The following MICALL1 variants were observed in gnomAD, a reference collection of about 807,000 sequenced individuals.
MICALL1 encodes MICAL-like protein 1.
A neutral mutation model predicts 83.7 loss-of-function variants in MICALL1; 61 were observed. The observed-to-expected ratio is 0.73, with a 90% CI of 0.59 to 0.90. MICALL1 has a LOEUF of 0.90. Among genes scored for constraint, MICALL1 ranks in the 40% least tolerant of loss-of-function variants. The probability of loss-of-function intolerance (pLI) is 0.00; values close to 1 mark genes in which losing one functional copy is unlikely to be tolerated. For missense variants in MICALL1, 1,066 were observed against 1,152.0 expected (o/e 0.93, Z 1.08); for synonymous variants, 481 against 473.6 (o/e 1.02, Z -0.20).
At position 37,906,706 on chromosome 22, in the gene MICALL1, C is replaced by G; in HGVS notation, c.146+138C>G. 1.3e-6 allele frequency: 1 copy of G among 798,756 alleles called. No homozygotes were observed. The highest frequency in any genetic ancestry group is 1.6e-6 in the Non-Finnish European group (1 of 629,666). The allele number at this position is 798,756 out of a possible 1,614,324, so 49.5% of individuals were successfully genotyped here. A position where few individuals can be genotyped will look rare whatever the true frequency, so the allele number is the denominator to read the frequency against. On this transcript the variant is annotated intron_variant, in intron 1 of 15. Transcript: ENST00000215957. This position sits in a 1 kb window ranked among gnomAD's most constrained non-coding sequence, Gnocchi z 4.4. ...GGAGACGCCGACCCCCCCGACGGCC[C>G]CGGACGCCGGGCGGGTCCCTGAGAC... is the stretch of plus-strand genomic sequence containing the variant.
intron 1 of MICALL1, among the ~76,000 whole-genome samples, chr22:37,909,577 C>T (rs181148548): frequency 5.9e-5 from 9 of 152,184 alleles, no homozygotes; most frequent in African/African-American, 2.2e-4. Flanking sequence ...TCAGGATGGT[C>T]TCAATCTCCT....
At chr22:37,926,068 C>T in intron 8 of MICALL1, 25 bp downstream of exon 8, 1 of 1,560,060 alleles carries the variant, frequency 6.4e-7, no homozygotes. Context: ...TGGAGCTCTC[C>T]TGACAGTCGG....
At position 37,924,754 on chromosome 22, in the gene MICALL1, G is replaced by T; in HGVS notation, c.1082+37G>T. On this transcript the variant is annotated intron_variant, in intron 7 of 15. Transcript: ENST00000215957. This position sits in a 1 kb window ranked among gnomAD's most constrained non-coding sequence, Gnocchi z 5.2. ...CCTGAGGGGCTTTCCTGCTTTGGAG[G>T]TCCTGGTGGTGGGAATCAGGGTACT... 6.2e-7 allele frequency: 1 copy of T among 1,603,498 alleles called. No homozygotes were observed. Among genetic ancestry groups the T allele is most frequent in the Non-Finnish European group, 8.5e-7 (1 of 1,173,014 alleles).
At chr22:37,920,976 C>T (rs1159561838) in intron 5 of MICALL1, among the ~76,000 whole-genome samples, 4 of 151,248 alleles carry the variant, frequency 2.6e-5, no homozygotes. Context: ...TAGTCTTAGG[C>T]ATTTGGGAGG....
chr22:37,912,139 C>A, intron 2 of MICALL1, 139 bp downstream of exon 2: 2 of 1,162,024 alleles, frequency 1.7e-6, no homozygotes, highest in Non-Finnish European at 2.5e-6. Flanking sequence ...TCCCCACCCT[C>A]TGCTTCCCAC....
chr22:37,910,663 C>G (rs1928259917), intron 1 of MICALL1, among the ~76,000 whole-genome samples: 1 of 152,150 alleles, frequency 6.6e-6, no homozygotes, highest in African/African-American at 2.4e-5. Context: ...GCACCAGACC[C>G]CTTCCAAGGT....
intron 13 of MICALL1, among the ~76,000 whole-genome samples, chr22:37,935,647 G>A (rs981609278): frequency 6.6e-6 from 1 of 151,654 alleles, no homozygotes; most frequent in African/African-American, 2.4e-5. Flanking sequence ...CCGCCTCCCA[G>A]GTTCAAGCGA....
rs79160628 is a variant in MICALL1 at position 37,911,985 on chromosome 22, C to G, written c.180C>G (p.Phe60Leu). 244 of 1,614,102 alleles carry G rather than the reference C, an allele frequency of 1.5e-4. 2 individuals are homozygous for G. In the African/African-American group the frequency reaches 3.1e-3, roughly 21 times the overall value. Residue 60 changes from phenylalanine (F) to leucine (L), a missense_variant, in exon 2 of 16, where the codon TTC becomes TTG. Physicochemically the swap from Phe to Leu is conservative, Grantham distance 22 (BLOSUM62 0). Coordinates refer to ENST00000215957, the MANE Select transcript of MICALL1 (RefSeq NM_033386.4). ...ATTCGCTTTCCAAGGACAATGTCTT[C>G]GAGAATAACCGTTTGGTAAGTTCCC... is the stretch of plus-strand genomic sequence containing the variant. ...DFDSLSKDNV[F>L]ENNRLAFEVA...
chr22:37,909,083 A>C (rs2145872215), intron 1 of MICALL1, among the ~76,000 whole-genome samples: 1 of 151,958 alleles, frequency 6.6e-6, no homozygotes, highest in South Asian at 2.1e-4. Context: ...TTTGAGATGG[A>C]GGCCTGTCAC....
At chr22:37,915,749 G>A (rs574127823) in intron 3 of MICALL1, among the ~76,000 whole-genome samples, 8 of 150,956 alleles carry the variant, frequency 5.3e-5, no homozygotes, top group Admixed American at 4.0e-4. Context: ...ATGTTCAAGC[G>A]ATTCTCATGC....
At chr22:37,940,553 A>G (rs770188289) in intron 15 of MICALL1, among the ~76,000 whole-genome samples, 156 bp from the exon 16 acceptor site, 5 of 152,096 alleles carry the variant, frequency 3.3e-5, no homozygotes, top group Non-Finnish European at 7.4e-5. Flanking sequence ...AGGCTGGGAA[A>G]GGTGAGTGTC....
At position 37,931,937 on chromosome 22, in the gene MICALL1, C is replaced by T. The variant is rs2145938739; in HGVS notation, c.2016+4C>T. Reference sequence around the variant, plus strand: ...CTTTCCACTCATCAAACGCAAGGTACCAGCTGGGAGCCCCCCGAGACCAGG... The same window carrying T: ...CTTTCCACTCATCAAACGCAAGGTATCAGCTGGGAGCCCCCCGAGACCAGG... On this transcript the variant is annotated splice_donor_region_variant and intron_variant, in intron 10 of 15. Transcript: ENST00000215957. 1 of 1,613,602 alleles carries T rather than the reference C, an allele frequency of 6.2e-7. No homozygotes were observed. The highest frequency in any genetic ancestry group is 8.5e-7 in the Non-Finnish European group (1 of 1,179,856).
Position 37,930,880 on chromosome 22 carries a change from C to T in MICALL1, c.1882-919C>T, listed in dbSNP as rs1929751643. Among the ~76,000 whole-genome samples, 1 of 152,230 alleles carries T rather than the reference C, an allele frequency of 6.6e-6. No homozygotes were observed. The highest frequency in any genetic ancestry group is 1.5e-5 in the Non-Finnish European group (1 of 68,044). The stretch of plus-strand genomic sequence containing the variant: ...ACCCTGGGTGAGGAACTTCACCTCT[C>T]TGAGCCTCAGAGTCCCCAGCGGGGA... On this transcript the variant is annotated intron_variant, in intron 9 of 15. Coordinates refer to ENST00000215957, the MANE Select transcript of MICALL1 (RefSeq NM_033386.4). The surrounding 1 kb of genome is among the most constrained non-coding windows in gnomAD (Gnocchi z 4.8).
intron 3 of MICALL1, among the ~76,000 whole-genome samples, chr22:37,915,348 A>C (rs1416481517): frequency 1.3e-5 from 2 of 152,246 alleles, no homozygotes; most frequent in Admixed American, 6.5e-5. Context: ...AACACTAGGG[A>C]TTAAAATAAT....
At chr22:37,913,772 C>G (rs1236843860) in intron 3 of MICALL1, among the ~76,000 whole-genome samples, 1 of 152,130 alleles carries the variant, frequency 6.6e-6, no homozygotes, top group Non-Finnish European at 1.5e-5. Flanking sequence ...ATCCAGGTGT[C>G]CTGAATCCAA....
At position 37,932,434 on chromosome 22, in the gene MICALL1, G is replaced by A; in HGVS notation, c.2017-119G>A. On this transcript the variant is annotated intron_variant, in intron 10 of 15. Coordinates refer to ENST00000215957, the MANE Select transcript of MICALL1 (RefSeq NM_033386.4). The surrounding 1 kb of genome is among the most constrained non-coding windows in gnomAD (Gnocchi z 4.4). Reference sequence around the variant, plus strand: ...TGGGACCCTGCCTTCTTACCATGCTGGGGTGGGGGACAGGGCCCGGGCCCT... The same window carrying A: ...TGGGACCCTGCCTTCTTACCATGCTAGGGTGGGGGACAGGGCCCGGGCCCT... 1.4e-6 allele frequency: 2 copies of A among 1,478,748 alleles called. No homozygotes were observed. The allele number at this position is 1,478,748 out of a possible 1,614,324, so 91.6% of individuals were successfully genotyped here.
chr22:37,927,837 C>G lies in MICALL1; in HGVS notation c.1881+11C>G. On this transcript the variant is annotated intron_variant, in intron 9 of 15. Coordinates refer to ENST00000215957, the MANE Select transcript of MICALL1 (RefSeq NM_033386.4). The stretch of plus-strand genomic sequence containing the variant: ...CAGCTGCAGGTAAAGGTGAGTGCCC[C>G]CTCACCCTCACTAAAAGTGACATCC... 1 of 1,588,072 alleles carries G rather than the reference C, an allele frequency of 6.3e-7. No homozygotes were observed. The highest frequency in any genetic ancestry group is 2.2e-5 in the East Asian group (1 of 44,448).
At position 37,932,652 on chromosome 22, in the gene MICALL1, G is replaced by A; in HGVS notation, c.2116G>A (p.Glu706Lys). Residue 706 changes from glutamate to lysine, a missense_variant, in exon 11 of 16, where the codon GAG (glutamate) becomes AAG (lysine). By Grantham distance (56) the Glu-to-Lys change is moderately conservative (BLOSUM62 1). Transcript: ENST00000215957. This position sits in a 1 kb window ranked among gnomAD's most constrained non-coding sequence, Gnocchi z 4.4. ...CCTGGAGCACCGTGGGGTGCTGCTG[G>A]AGGAGAAGCTGCGTGGCGGCCTGAA... ...DALEHRGVLLEEKLRGGLNEG... is the reference protein window; with the variant it reads ...DALEHRGVLLKEKLRGGLNEG... 1.2e-6 allele frequency: 2 copies of A among 1,614,060 alleles called. No individual in the cohort carries two copies. Among genetic ancestry groups the A allele is most frequent in the Non-Finnish European group, 1.7e-6 (2 of 1,180,000 alleles).
rs1003600548 is a variant in MICALL1, at chr22:37,906,577, G to C, written c.146+9G>C. On this transcript the variant is annotated intron_variant, in intron 1 of 15. Transcript: ENST00000215957. This position sits in a 1 kb window ranked among gnomAD's most constrained non-coding sequence, Gnocchi z 4.4. ...CACCGGCCCGACCTGCTGTGAGTGCGGGGCCCCGGGCGAGCGGGCGGCGCG... is the reference window on the plus strand; with the variant it reads ...CACCGGCCCGACCTGCTGTGAGTGCCGGGCCCCGGGCGAGCGGGCGGCGCG... The C allele has an allele frequency of 2.1e-5, 24 of 1,166,120 alleles. No individual in the cohort carries two copies. Among genetic ancestry groups the C allele is most frequent in the Admixed American group, 4.7e-5 (1 of 21,170 alleles). The allele number at this position is 1,166,120 out of a possible 1,614,324, so 72.2% of individuals were successfully genotyped here.
Sources: allele counts gnomAD v4.1 joint callset (sites outside exome capture counted in the v4.1 genomes callset), GRCh38; gene constraint gnomAD v4.1.1; non-coding constraint Gnocchi (gnomAD v3.1); transcripts MANE v1.5; gene names NCBI Gene and HGNC (gene_info 2026-07-23, HGNC 2026-07-21).